The following LRR1 variants were observed in gnomAD, a reference collection of about 807,000 sequenced individuals.
LRR1 encodes leucine rich repeat protein 1.
LRR1 carries 29 observed loss-of-function variants against 31.6 expected under a neutral mutation model. The ratio of observed to expected loss-of-function variants is 0.92; its 90% CI spans 0.68 to 1.25. The LOEUF is 1.25. Ranked by LOEUF, LRR1 falls within the 50% of genes most tolerant of loss-of-function variation. The pLI is 0.00. For synonymous variants in LRR1, 179 were observed against 181.4 expected, an observed-to-expected ratio of 0.99 and a Z score of 0.10; for missense variants, 485 against 487.2, an observed-to-expected ratio of 1.00 and a Z score of 0.04.
intron 2 of LRR1, 69 bp downstream of exon 2, chr14:49,602,537 T>A (rs1175350989): frequency 1.5e-6 from 2 of 1,328,044 alleles, no homozygotes; most frequent in Non-Finnish European, 2.1e-6. Flanking sequence ...AACAGAGTCT[T>A]GTTCTGTCAC....
intron 1 of LRR1, chr14:49,601,012 T>C: frequency 1.9e-6 from 3 of 1,610,126 alleles, no homozygotes; most frequent in Non-Finnish European, 2.5e-6. Flanking sequence ...CTCCAGTTAA[T>C]TGTTCTTGTA....
chr14:49,604,608 C>T (rs185435681), intron 2 of LRR1, among the ~76,000 whole-genome samples: 222 of 151,670 alleles, frequency 1.5e-3, no homozygotes, highest in Non-Finnish European at 2.0e-3. Flanking sequence ...TGGAGGGTCA[C>T]CTGAGCCTGG....
intron 3 of LRR1, among the ~76,000 whole-genome samples, chr14:49,609,381 A>G (rs1035983364): frequency 3.3e-5 from 5 of 151,836 alleles, no homozygotes; most frequent in Non-Finnish European, 7.4e-5. Flanking sequence ...GCCCACCGCC[A>G]TGCCTGGCTC....
intron 3 of LRR1, among the ~76,000 whole-genome samples, chr14:49,609,643 GT>G (rs1339330907): frequency 6.6e-6 from 1 of 151,860 alleles, no homozygotes; most frequent in Non-Finnish European, 1.5e-5. Context: ...TCCTGACCTT[GT>G]GATCTGCCCA....
In LRR1 at chr14:49,602,446, C is replaced by T. The variant is rs1183077092; in HGVS notation, c.260C>T (p.Pro87Leu). Residue 87 changes from proline to leucine, a missense_variant, in exon 2 of 4, where the codon CCT becomes CTT. Around this residue, in one of 3 missense-constraint regions of LRR1, gnomAD observed 260 missense variants for 249.6 expected, o/e 1.04. Coordinates refer to ENST00000298288, the MANE Select transcript of LRR1 (RefSeq NM_152329.4). ...GCCACTGTTCGGTTAAAGGAGCCTC[C>T]TGTGGATATCTGTCTAAGTAAGGTA... is the stretch of plus-strand genomic sequence containing the variant. ...GKATVRLKEP[P>L]VDICLSKAIS... is the part of the protein sequence containing the mutation. 9 of 1,612,928 alleles carry T rather than the reference C, an allele frequency of 5.6e-6. No individual in the cohort carries two copies. The highest frequency in any genetic ancestry group is 7.6e-6 in the Non-Finnish European group (9 of 1,179,320).
rs759725714 is a variant in LRR1, at chr14:49,607,983, G to A, written c.866G>A (p.Ser289Asn). ...AARNKLPFLP[S>N]EFRNLSLEYL... is the part of the protein sequence containing the mutation. The stretch of plus-strand genomic sequence containing the variant: ...CGAAATAAGCTTCCATTTTTGCCTA[G>A]TGAATTTAGAAATTTATCCCTTGAA... Residue 289 changes from serine (S) to asparagine (N), a missense_variant, in exon 3 of 4, where the codon AGT becomes AAT. Physicochemically the swap from Ser to Asn is conservative, Grantham distance 46. Transcript: ENST00000298288. The A allele has an allele frequency of 1.9e-5, 31 of 1,613,992 alleles. No homozygotes were observed. The highest frequency in any genetic ancestry group is 5.0e-5 in the Admixed American group (3 of 59,978).
Position 49,598,977 on chromosome 14 carries a change from G to T in LRR1, c.-44G>T. The T allele has an allele frequency of 6.4e-7, 1 of 1,562,718 alleles. No individual in the cohort carries two copies. On this transcript the variant is annotated 5_prime_UTR_variant, in exon 1 of 4. The change creates a premature stop within an existing upstream ORF in the 5' untranslated region. Coordinates refer to ENST00000298288, the MANE Select transcript of LRR1 (RefSeq NM_152329.4). ...GGCGGCGCCGGGTGGCGGGAAGGAG[G>T]AAGTTTCAAAGCCAGCTTGACGTGG...
At chr14:49,609,150 C>T (rs545861609) in intron 3 of LRR1, among the ~76,000 whole-genome samples, 1 of 150,046 alleles carries the variant, frequency 6.7e-6, no homozygotes, top group Admixed American at 6.7e-5. Flanking sequence ...ATCTCCTGAC[C>T]TCGTGATCCG....
At chr14:49,599,645 C>T (rs1208456849) in intron 1 of LRR1, among the ~76,000 whole-genome samples, 2 of 151,938 alleles carry the variant, frequency 1.3e-5, no homozygotes, top group African/African-American at 4.8e-5. Context: ...CCGCCCTCCC[C>T]ACAGTTGCCG....
At chr14:49,600,257 C>T in intron 1 of LRR1, 1 of 1,488,022 alleles carries the variant, frequency 6.7e-7, no homozygotes, top group Non-Finnish European at 9.4e-7. Flanking sequence ...TTATATGCTT[C>T]TCGGTGGTAA....
intron 3 of LRR1, among the ~76,000 whole-genome samples, chr14:49,612,200 G>C (rs1232014873): frequency 1.3e-5 from 2 of 152,168 alleles, no homozygotes; most frequent in Non-Finnish European, 1.5e-5. Flanking sequence ...CATTTATGTT[G>C]CTTTTTAAAT....
At chr14:49,604,379 G>A (rs373178508) in intron 2 of LRR1, among the ~76,000 whole-genome samples, 92 of 152,120 alleles carry the variant, frequency 6.0e-4, no homozygotes, top group African/African-American at 2.1e-3. Context: ...GGGAGGCCGA[G>A]GCAGGAGGAT....
intron 1 of LRR1, chr14:49,600,162 T>C (rs1881996986): frequency 6.7e-7 from 1 of 1,488,918 alleles, no homozygotes; most frequent in East Asian, 2.3e-5. Context: ...GGGCAAGCAG[T>C]ACCTCCTAGG....
intron 1 of LRR1, chr14:49,599,884 G>T (rs1372567053): frequency 9.2e-6 from 6 of 650,540 alleles, no homozygotes; most frequent in Middle Eastern, 5.2e-4. Context: ...GCCCCGCGGC[G>T]TGGAGCGGCG....
In LRR1 at chr14:49,614,579, G is replaced by A. The variant is rs749478204; in HGVS notation, c.*83G>A. The A allele has an allele frequency of 3.2e-6, 5 of 1,560,500 alleles. No individual in the cohort carries two copies. The African/African-American group carries it at 6.8e-5, about 21-fold the overall frequency. On this transcript the variant is annotated 3_prime_UTR_variant, in exon 4 of 4. Transcript: ENST00000298288. ...TTTTGCAGCGTCAAATTGGAGTAAGGGAAGATTTCTGTATACTTGCTGGAG... is the reference window on the plus strand; with the variant it reads ...TTTTGCAGCGTCAAATTGGAGTAAGAGAAGATTTCTGTATACTTGCTGGAG...
chr14:49,600,363 G>A (rs761887636), intron 1 of LRR1: 361 of 1,574,324 alleles, frequency 2.3e-4, no homozygotes, highest in Non-Finnish European at 2.9e-4. Flanking sequence ...AGCTCAGATT[G>A]ATCTCCGAGA....
intron 3 of LRR1, among the ~76,000 whole-genome samples, chr14:49,608,521 G>GAATGT (rs931787360): frequency 1.4e-5 from 2 of 142,084 alleles, no homozygotes; most frequent in Non-Finnish European, 3.0e-5. Flanking sequence ...TTCCCCACTA[G>GAATGT]AATGTAAGAT....
At chr14:49,600,980 C>T in intron 1 of LRR1, 1 of 1,595,964 alleles carries the variant, frequency 6.3e-7, no homozygotes, top group Non-Finnish European at 8.5e-7. Flanking sequence ...ACAGAATCTG[C>T]ACAAAGAAAT....
intron 1 of LRR1, among the ~76,000 whole-genome samples, chr14:49,599,617 C>G (rs1336918026): frequency 2.4e-5 from 3 of 123,014 alleles, no homozygotes; most frequent in Admixed American, 7.7e-5. Flanking sequence ...TTCTCCCTAG[C>G]TTAAAAAAGC....
Sources: allele counts gnomAD v4.1 joint callset (sites outside exome capture counted in the v4.1 genomes callset), GRCh38; gene constraint gnomAD v4.1.1; regional missense constraint gnomAD v4.1.1; transcripts MANE v1.5; gene names NCBI Gene and HGNC (gene_info 2026-07-23, HGNC 2026-07-21).